NRP1: variants seen among roughly 807,000 people sequenced by gnomAD.
The protein encoded by NRP1 is neuropilin 1.
Under a neutral mutation model 106.7 loss-of-function variants are expected in NRP1, and 35 were observed. That is an observed-to-expected ratio of 0.33 (90% confidence interval 0.25 to 0.43). The LOEUF (loss-of-function observed/expected upper bound fraction) is 0.43, where lower values mean the gene tolerates loss of function less well. NRP1 is among the 20% of genes least tolerant of loss of function. The probability of loss-of-function intolerance (pLI) is 1.00; values close to 1 mark genes in which losing one functional copy is unlikely to be tolerated. For missense variants in NRP1, 1,024 were observed against 1,170.4 expected, an observed-to-expected ratio of 0.87 and a Z score of 1.83; for synonymous variants, 437 against 417.9, an observed-to-expected ratio of 1.05 and a Z score of -0.56.
chr10:33,296,410 C>T (rs1244257600), intron 2 of NRP1, among the ~76,000 whole-genome samples: 1 of 152,154 alleles, frequency 6.6e-6, no homozygotes, highest in Non-Finnish European at 1.5e-5. Context: ...GCTCCTTACA[C>T]CCAAGCCAGC....
At chr10:33,254,274 A>G in intron 5 of NRP1, 80 bp from the exon 6 acceptor site, 1 of 1,259,940 alleles carries the variant, frequency 7.9e-7, no homozygotes, top group Non-Finnish European at 1.1e-6. Flanking sequence ...TTGATACACC[A>G]AAGAGTTCTT....
intron 3 of NRP1, among the ~76,000 whole-genome samples, chr10:33,264,217 GCTTAAAC>G (rs1842767773): frequency 6.6e-6 from 1 of 152,184 alleles, no homozygotes; most frequent in Non-Finnish European, 1.5e-5. Context: ...GCCCCTTCAA[GCTTAAAC>G]CTTTAAATCT....
intron 6 of NRP1, among the ~76,000 whole-genome samples, chr10:33,238,385 A>G (rs1840746908): frequency 6.6e-6 from 1 of 152,234 alleles, no homozygotes; most frequent in Admixed American, 6.5e-5. Context: ...TGATCTTCTA[A>G]TGATGAGCAG....
chr10:33,323,474 T>C (rs1185448152), intron 2 of NRP1, among the ~76,000 whole-genome samples: 1 of 152,110 alleles, frequency 6.6e-6, no homozygotes, highest in Non-Finnish European at 1.5e-5. Context: ...TCTGCTCCTC[T>C]GCAGAACTTA....
intron 2 of NRP1, among the ~76,000 whole-genome samples, chr10:33,327,183 T>C (rs1037061340): frequency 2.0e-5 from 3 of 152,188 alleles, no homozygotes; most frequent in Admixed American, 2.0e-4. Flanking sequence ...AATCATCTCA[T>C]TACTGGGTCA....
At position 33,321,415 on chromosome 10, in the gene NRP1, G is replaced by A. The variant is rs1847500790; in HGVS notation, c.248+9293C>T. Among the ~76,000 whole-genome samples, 3 of 152,200 alleles carry A rather than the reference G, an allele frequency of 2.0e-5. No homozygotes were observed. In the South Asian group the frequency reaches 6.2e-4, roughly 32 times the overall value. On this transcript the variant is annotated intron_variant, in intron 2 of 16. Transcript: ENST00000374867. ...CTATGAACTGAGATTTTTTTTAAAAGATAAAACAGTGATCTTAGTTAGCCA... is the reference window on the plus strand; with the variant it reads ...CTATGAACTGAGATTTTTTTTAAAAAATAAAACAGTGATCTTAGTTAGCCA...
intron 6 of NRP1, among the ~76,000 whole-genome samples, chr10:33,248,315 A>G (rs574636977): frequency 6.6e-6 from 1 of 152,306 alleles, no homozygotes; most frequent in Non-Finnish European, 1.5e-5. Context: ...TTATAAGGGA[A>G]GAGCGCTATG....
Position 33,334,480 on chromosome 10 carries a change from T to G in NRP1, c.-98A>C. On this transcript the variant is annotated 5_prime_UTR_variant, in exon 1 of 17. Coordinates refer to ENST00000374867, the MANE Select transcript of NRP1 (RefSeq NM_003873.7). ...TCTAAGCGATCCGAAGAGCCCCAAC[T>G]CCGCCTAGAGCTGTACAATCCTCAG... The G allele has an allele frequency of 2.8e-6, 3 of 1,073,408 alleles. No homozygotes were observed. 66.5% of individuals were successfully genotyped at this position (1,073,408 alleles called of 1,614,324 possible).
chr10:33,329,348 T>C lies in NRP1; in HGVS notation c.248+1360A>G, dbSNP rs73253819. ...AACTGGTCATCAGCCTGTGGATTTA[T>C]GCTAATTCTCTAGATACTAAAATGT... On this transcript the variant is annotated intron_variant, in intron 2 of 16. Coordinates refer to ENST00000374867, the MANE Select transcript of NRP1 (RefSeq NM_003873.7). 6.0e-3 allele frequency among the ~76,000 whole-genome samples: 910 copies of C among 152,324 alleles called. 12 individuals are homozygous for C. Among genetic ancestry groups the C allele is most frequent in the African/African-American group, 0.02 (844 of 41,590 alleles).
chr10:33,305,422 G>A (rs1846079868), intron 2 of NRP1, among the ~76,000 whole-genome samples: 3 of 152,092 alleles, frequency 2.0e-5, no homozygotes, highest in Admixed American at 2.0e-4. Flanking sequence ...CTGCAAAATG[G>A]GTGCATGCAC....
chr10:33,186,380 A>C lies in NRP1; in HGVS notation c.2171T>G (p.Phe724Cys). The C allele has an allele frequency of 6.2e-7, 1 of 1,614,172 alleles. No individual in the cohort carries two copies. Among genetic ancestry groups the C allele is most frequent in the Non-Finnish European group, 8.5e-7 (1 of 1,180,028 alleles). The change falls in exon 14 of 17, where the codon TTC (phenylalanine) becomes TGC (cysteine). Residue 724 changes from phenylalanine (F) to cysteine (C), a missense_variant. This residue lies in a region of NRP1 where 562 missense variants were observed against 620.3 expected (regional missense o/e 0.91). Transcript: ENST00000374867. ...GTGGGACCCAGACATGTGATACCAG[A>C]AGGTCATGCAGTGGGCAGAGTTCTG... ...YSQNSAHCMT[F>C]WYHMSGSHVG...
chr10:33,228,853 C>T (rs1294133425), intron 6 of NRP1, among the ~76,000 whole-genome samples: 1 of 152,104 alleles, frequency 6.6e-6, no homozygotes, highest in Non-Finnish European at 1.5e-5. Context: ...TTTTAGAATA[C>T]TAACAATAGA....
rs188640901 is a variant in NRP1, at chr10:33,277,994, G to C, written c.249-7138C>G. 8.6e-5 allele frequency among the ~76,000 whole-genome samples: 13 copies of C among 152,016 alleles called. No homozygotes were observed. In the East Asian group the frequency reaches 2.5e-3, roughly 29 times the overall value. ...TTTTTGTGACACTTCCTAAAACTCC[G>C]TTTTTCTTACTTCTTGTAGTCCTTT... On this transcript the variant is annotated intron_variant, in intron 2 of 16. Transcript: ENST00000374867.
intron 12 of NRP1, among the ~76,000 whole-genome samples, chr10:33,196,496 G>A (rs966216471): frequency 2.6e-5 from 4 of 152,152 alleles, no homozygotes; most frequent in Admixed American, 1.3e-4. Flanking sequence ...GCTATGGGAG[G>A]TGCCTGCGCA....
At chr10:33,238,064 T>TG (rs1354348089) in intron 6 of NRP1, among the ~76,000 whole-genome samples, 13 of 152,284 alleles carry the variant, frequency 8.5e-5, no homozygotes, top group African/African-American at 3.1e-4. Flanking sequence ...TAGGTAAACT[T>TG]GAAGTTCATG....
chr10:33,290,872 C>A (rs957055697), intron 2 of NRP1, among the ~76,000 whole-genome samples: 1 of 152,118 alleles, frequency 6.6e-6, no homozygotes, highest in Admixed American at 6.5e-5. Context: ...TGCGTGGGGC[C>A]ATTGTTAAAT....
At chr10:33,265,323 T>C (rs1842850441) in intron 3 of NRP1, among the ~76,000 whole-genome samples, 1 of 152,186 alleles carries the variant, frequency 6.6e-6, no homozygotes, top group Non-Finnish European at 1.5e-5. Context: ...ACAACTCTTT[T>C]CCTGCATCAT....
Position 33,265,172 on chromosome 10 carries a change from T to C in NRP1, c.431-1299A>G, listed in dbSNP as rs373782731. 3.7e-4 allele frequency among the ~76,000 whole-genome samples: 56 copies of C among 152,260 alleles called. 3 individuals carry two copies. The highest frequency in any genetic ancestry group is 1.7e-3 in the East Asian group (9 of 5,186). On this transcript the variant is annotated intron_variant, in intron 3 of 16. Coordinates refer to ENST00000374867, the MANE Select transcript of NRP1 (RefSeq NM_003873.7). ...CAAAAAAACCCAAAACTGCCTTCTCTACCAACATGAGCACATCAGCTCAGT... is the reference window on the plus strand; with the variant it reads ...CAAAAAAACCCAAAACTGCCTTCTCCACCAACATGAGCACATCAGCTCAGT...
At chr10:33,198,556 G>A (rs1252343321) in intron 11 of NRP1, among the ~76,000 whole-genome samples, 1 of 151,950 alleles carries the variant, frequency 6.6e-6, no homozygotes, top group East Asian at 1.9e-4. Context: ...GACGACGCAT[G>A]GCACACAATT....
Sources: gnomAD v4.1 joint callset for allele counts (sites outside exome capture counted in the v4.1 genomes callset) on GRCh38, gnomAD v4.1.1 for gene constraint, gnomAD v4.1.1 regional missense constraint, MANE v1.5 for transcripts, NCBI Gene and HGNC (gene_info 2026-07-23, HGNC 2026-07-21) for gene names.